The following SCN7A variants were observed in gnomAD, a reference collection of about 807,000 sequenced individuals.
The protein encoded by SCN7A is sodium voltage-gated channel alpha subunit 7, also known as sodium channel protein type 7 subunit alpha.
In SCN7A, 138 loss-of-function variants were observed where a neutral mutation model predicts 155.2. That is an observed-to-expected ratio of 0.89 (90% confidence interval 0.77 to 1.02). SCN7A has a LOEUF of 1.02. Ranked by LOEUF, SCN7A falls within the 50% of genes least tolerant of loss-of-function variation. SCN7A has a pLI of 0.00. For synonymous variants in SCN7A, 693 were observed against 649.0 expected (o/e 1.07, Z -1.03); for missense variants, 2,058 against 1,986.6 (o/e 1.04, Z -0.68).
chr2:166,416,716 C>T lies in SCN7A; in HGVS notation c.3405G>A (p.Leu1135=), dbSNP rs570253237. Residue 1135 remains leucine, a synonymous_variant, in exon 21 of 26, where the codon CTG becomes CTA. Coordinates refer to ENST00000643258, the MANE Select transcript of SCN7A (RefSeq NM_002976.4). ...TCAAAAGTGTACTTACTACTTGAAG[C>T]AGAGAAAGGAAACCATTTCCAACAT... ...FDNVGNGFLS[L]LQVATFNGWI... 3 of 1,604,334 alleles carry T rather than the reference C, an allele frequency of 1.9e-6. No individual in the cohort carries two copies. Among genetic ancestry groups the T allele is most frequent in the South Asian group, 2.2e-5 (2 of 89,488 alleles).
At position 166,415,839 on chromosome 2, in the gene SCN7A, A is replaced by G. The variant is rs186085714; in HGVS notation, c.3414+868T>C. On this transcript the variant is annotated intron_variant, in intron 21 of 25. Transcript: ENST00000643258. ...TCAGTGCACCTTGAAAAAGAACAGA[A>G]TAACTGTGTTTTTAGGGAACAAGGG... Among the ~76,000 whole-genome samples, 27 of 152,192 alleles carry G rather than the reference A, an allele frequency of 1.8e-4. No homozygotes were observed. The East Asian group carries it at 5.2e-3, about 29-fold the overall frequency.
At chr2:166,483,484 A>G (rs966457059) in intron 2 of SCN7A, among the ~76,000 whole-genome samples, 2 of 151,946 alleles carry the variant, frequency 1.3e-5, no homozygotes, top group African/African-American at 4.8e-5. Flanking sequence ...TTGTTTGTGG[A>G]ACACCTATAA....
At chr2:166,429,782 G>A (rs1279678595) in intron 16 of SCN7A, among the ~76,000 whole-genome samples, 1 of 151,904 alleles carries the variant, frequency 6.6e-6, no homozygotes, top group Non-Finnish European at 1.5e-5. Flanking sequence ...GTAAAATGAG[G>A]GAAAGGCACA....
intron 21 of SCN7A, chr2:166,414,397 C>A (rs1419198808): frequency 7.6e-6 from 1 of 131,426 alleles, no homozygotes; most frequent in African/African-American, 2.9e-5. Flanking sequence ...ACTATTTTTA[C>A]CACCACTGAT....
At chr2:166,442,865 G>A (rs1037946158) in intron 14 of SCN7A, among the ~76,000 whole-genome samples, 6 of 152,094 alleles carry the variant, frequency 3.9e-5, no homozygotes, top group African/African-American at 1.2e-4. Context: ...ATCTAAGACA[G>A]GATTCTGAAT....
chr2:166,457,020 C>T lies in SCN7A; in HGVS notation c.1140G>A (p.Leu380=). Residue 380 remains leucine (L), a synonymous_variant, in exon 11 of 26, where the codon TTG becomes TTA. Coordinates refer to ENST00000643258, the MANE Select transcript of SCN7A (RefSeq NM_002976.4). Reference sequence around the variant, plus strand: ...ACAAACTTGCCATATAAAAGGAAAACAAAAAACTTACCACCACAAAAAATA... The same window carrying T: ...ACAAACTTGCCATATAAAAGGAAAATAAAAAACTTACCACCACAAAAAATA... ...YMIFFVVVSF[L]FSFYMASLFL... 6.2e-7 allele frequency: 1 copy of T among 1,610,206 alleles called. No homozygotes were observed.
chr2:166,475,121 C>CATAT (rs1553520554), intron 3 of SCN7A, among the ~76,000 whole-genome samples: 2 of 102,232 alleles, frequency 2.0e-5, no homozygotes, highest in African/African-American at 4.0e-5. Context: ...TATATATATA[C>CATAT]ATATATATAT....
intron 9 of SCN7A, 93 bp from the exon 10 acceptor site, chr2:166,462,623 G>A (rs1424881148): frequency 8.6e-7 from 1 of 1,158,816 alleles, no homozygotes; most frequent in Non-Finnish European, 1.2e-6. Context: ...CTGAGTAATA[G>A]AGAACTCACG....
chr2:166,461,982 G>A (rs12468323), intron 10 of SCN7A: 45,834 of 156,366 alleles, frequency 0.29, 7,175 homozygotes, highest in Non-Finnish European at 0.35. Context: ...CTAGCTACTC[G>A]GGAGGCTGAG....
At chr2:166,412,815 T>C in intron 22 of SCN7A, 148 bp from the exon 23 acceptor site, 1 of 1,285,494 alleles carries the variant, frequency 7.8e-7, no homozygotes, top group Non-Finnish European at 1.0e-6. Context: ...TAAAAGGATA[T>C]CATTGCTTTG....
At position 166,443,602 on chromosome 2, in the gene SCN7A, T is replaced by C; in HGVS notation, c.1701A>G (p.Val567=). The C allele has an allele frequency of 6.3e-7, 1 of 1,577,928 alleles. No individual in the cohort carries two copies. Among genetic ancestry groups the C allele is most frequent in the African/African-American group, 1.3e-5 (1 of 74,444 alleles). Residue 567 remains valine, a synonymous_variant, in exon 14 of 26, where the codon GTA becomes GTG. Coordinates refer to ENST00000643258, the MANE Select transcript of SCN7A (RefSeq NM_002976.4). Reference sequence around the variant, plus strand: ...TCATGCTATCAAAAATGTTCCAACCTACTTGGAAATACCCATATGGATGCA... The same window carrying C: ...TCATGCTATCAAAAATGTTCCAACCCACTTGGAAATACCCATATGGATGCA... ...IAMHPYGYFQ[V]GWNIFDSMIV...
intron 11 of SCN7A, among the ~76,000 whole-genome samples, chr2:166,455,605 C>A (rs1466741239): frequency 6.6e-6 from 1 of 152,008 alleles, no homozygotes; most frequent in Admixed American, 6.6e-5. Flanking sequence ...CCAAACGCTA[C>A]CTGGGTGATG....
intron 5 of SCN7A, among the ~76,000 whole-genome samples, chr2:166,473,210 C>T (rs1702698446): frequency 6.6e-6 from 1 of 151,554 alleles, no homozygotes; most frequent in Non-Finnish European, 1.5e-5. Flanking sequence ...TCAATAAATC[C>T]TAGCTGAGAG....
chr2:166,467,548 C>T (rs1702563878), intron 7 of SCN7A, among the ~76,000 whole-genome samples: 1 of 150,412 alleles, frequency 6.6e-6, no homozygotes, highest in Non-Finnish European at 1.5e-5. Context: ...CCATCATATA[C>T]CCAGTTTTTG....
At chr2:166,413,526 A>G (rs1701248212) in intron 21 of SCN7A, among the ~76,000 whole-genome samples, 1 of 152,030 alleles carries the variant, frequency 6.6e-6, no homozygotes, top group Non-Finnish European at 1.5e-5. Flanking sequence ...AAAATGCTAA[A>G]GAGATAAAAA....
chr2:166,447,558 G>A (rs530161317), intron 12 of SCN7A, 54 bp downstream of exon 12: 2 of 1,173,700 alleles, frequency 1.7e-6, no homozygotes, highest in South Asian at 2.9e-5. Context: ...CTTTAAAAGT[G>A]AATTTTATGA....
chr2:166,410,356 C>T, intron 23 of SCN7A, 32 bp from the exon 24 acceptor site: 1 of 1,429,240 alleles, frequency 7.0e-7, no homozygotes, highest in Non-Finnish European at 9.5e-7. Context: ...ATATTAAAAT[C>T]ACACTTAATC....
Position 166,406,517 on chromosome 2 carries a change from A to T in SCN7A, c.4112T>A (p.Leu1371His). The T allele has an allele frequency of 6.2e-7, 1 of 1,612,784 alleles. No homozygotes were observed. The highest frequency in any genetic ancestry group is 2.2e-5 in the East Asian group (1 of 44,840). The part of the protein sequence containing the change: ...KGPKVFHNLM[L>H]PLMLSLPALL... ...TGCTGGGAGGGACAGCATCAAAGGA[A>T]GCATCAGATTATGAAACACCTTTGG... The change falls in exon 26 of 26, where the codon CTT (leucine) becomes CAT (histidine). Residue 1371 changes from leucine to histidine, a missense_variant. Coordinates refer to ENST00000643258, the MANE Select transcript of SCN7A (RefSeq NM_002976.4).
In SCN7A at chr2:166,441,683, A is replaced by G. The variant is rs1338962972; in HGVS notation, c.1870T>C (p.Trp624Arg). The change falls in exon 15 of 26, where the codon TGG (tryptophan) becomes CGG (arginine). Residue 624 changes from tryptophan (W) to arginine (R), a missense_variant. Trp to Arg is a moderately radical substitution (Grantham distance 101). Transcript: ENST00000643258. ...QILMWSLSNS[W>R]VALKDLVLLL... ...AGGACCAAGTCTTTCAGGGCCACCCATGAGTTACTAAGAGACCACATCAAA... is the reference window on the plus strand; with the variant it reads ...AGGACCAAGTCTTTCAGGGCCACCCGTGAGTTACTAAGAGACCACATCAAA... 12 of 1,613,870 alleles carry G rather than the reference A, an allele frequency of 7.4e-6. No individual in the cohort carries two copies. The highest frequency in any genetic ancestry group is 3.3e-5 in the Admixed American group (2 of 60,012).
Sources: gnomAD v4.1 joint callset for allele counts (sites outside exome capture counted in the v4.1 genomes callset) on GRCh38, gnomAD v4.1.1 for gene constraint, MANE v1.5 for transcripts, NCBI Gene and HGNC (gene_info 2026-07-23, HGNC 2026-07-21) for gene names.